NCKAP5: variants seen among roughly 807,000 people sequenced by gnomAD.
The protein encoded by NCKAP5 is nck-associated protein 5.
NCKAP5 carries 92 observed loss-of-function variants against 167.0 expected under a neutral mutation model. The observed-to-expected ratio is 0.55, with a 90% CI of 0.47 to 0.66. The LOEUF is 0.66. Among genes scored for constraint, NCKAP5 ranks in the 30% least tolerant of loss-of-function variants. The pLI, the probability that NCKAP5 is intolerant of heterozygous loss-of-function variation, is 0.00. For missense variants in NCKAP5, 2,378 were observed against 2,315.0 expected, an observed-to-expected ratio of 1.03 and a Z score of -0.56; for synonymous variants, 891 against 877.4, an observed-to-expected ratio of 1.02 and a Z score of -0.27.
Position 133,202,124 on chromosome 2 carries a change from G to A in NCKAP5, c.207+11592C>T, listed in dbSNP as rs554673487. On this transcript the variant is annotated intron_variant, in intron 5 of 19. Coordinates refer to ENST00000409261, the MANE Select transcript of NCKAP5 (RefSeq NM_207363.3). ...CAAAGCTGGAGGCATCATGCTACCT[G>A]ACTTCAAACTATACTACAAGGCTAC... is the stretch of plus-strand genomic sequence containing the variant. Among the ~76,000 whole-genome samples the A allele has an allele frequency of 6.5e-3, 984 of 152,108 alleles. 6 individuals carry two copies. The highest frequency in any genetic ancestry group is 0.011 in the Non-Finnish European group (739 of 67,934).
chr2:132,747,302 G>C (rs181350169), intron 16 of NCKAP5, among the ~76,000 whole-genome samples: 3 of 152,274 alleles, frequency 2.0e-5, no homozygotes. Context: ...GCATCTGAAA[G>C]TGGTGTTGGC....
At chr2:133,066,463 C>T (rs944525424) in intron 6 of NCKAP5, among the ~76,000 whole-genome samples, 1 of 152,162 alleles carries the variant, frequency 6.6e-6, no homozygotes, top group Non-Finnish European at 1.5e-5. Context: ...TAAAGAATAA[C>T]AGCCCAAGTA....
intron 8 of NCKAP5, among the ~76,000 whole-genome samples, chr2:132,960,663 G>A (rs913325938): frequency 6.6e-6 from 1 of 152,096 alleles, no homozygotes; most frequent in African/African-American, 2.4e-5. Flanking sequence ...ATAATACAGG[G>A]GTGGCAGCTG....
At chr2:133,318,233 T>C (rs1681754594) in intron 3 of NCKAP5, among the ~76,000 whole-genome samples, 1 of 152,202 alleles carries the variant, frequency 6.6e-6, no homozygotes, top group South Asian at 2.1e-4. Flanking sequence ...AGAAAGGATT[T>C]ATGAAGTAGT....
intron 4 of NCKAP5, among the ~76,000 whole-genome samples, chr2:133,288,330 T>A (rs1679316064): frequency 6.6e-6 from 1 of 152,186 alleles, no homozygotes; most frequent in Admixed American, 6.5e-5. Context: ...AATTTCTATT[T>A]TAGAGTGGTC....
chr2:133,473,003 G>A (rs1679486389), intron 3 of NCKAP5, among the ~76,000 whole-genome samples: 1 of 152,040 alleles, frequency 6.6e-6, no homozygotes, highest in East Asian at 1.9e-4. Flanking sequence ...TCTTACCACT[G>A]CAACCAGTTT....
At chr2:132,980,879 T>G (rs1340809364) in intron 7 of NCKAP5, among the ~76,000 whole-genome samples, 4 of 152,166 alleles carry the variant, frequency 2.6e-5, no homozygotes, top group Non-Finnish European at 4.4e-5. Flanking sequence ...ATTTTATATC[T>G]TAAGGGTATG....
At chr2:132,966,344 C>T (rs945008376) in intron 7 of NCKAP5, among the ~76,000 whole-genome samples, 1 of 152,164 alleles carries the variant, frequency 6.6e-6, no homozygotes. Context: ...AGGTGATCCA[C>T]CCTCCTCAGC....
intron 6 of NCKAP5, among the ~76,000 whole-genome samples, chr2:133,106,216 G>C (rs553434992): frequency 0.036 from 4,140 of 114,598 alleles, 108 homozygotes; most frequent in East Asian, 0.16. Flanking sequence ...TGGTGTGAAT[G>C]CAGGAGGTGG....
intron 8 of NCKAP5, among the ~76,000 whole-genome samples, chr2:132,900,182 AGCT>A (rs1378670382): frequency 6.6e-6 from 1 of 152,204 alleles, no homozygotes; most frequent in East Asian, 1.9e-4. Context: ...TTACCATAAC[AGCT>A]GTAATAATAA....
the NCKAP5 span, among the ~76,000 whole-genome samples, chr2:133,644,959 T>C: frequency 6.6e-6 from 1 of 152,164 alleles, no homozygotes. Flanking sequence ...TCTATGACCA[T>C]GAACATAATT....
intron 3 of NCKAP5, among the ~76,000 whole-genome samples, chr2:133,304,860 T>C (rs1021925537): frequency 6.6e-6 from 1 of 152,190 alleles, no homozygotes; most frequent in African/African-American, 2.4e-5. Flanking sequence ...ATTCGTTTCA[T>C]GTTGGTTACG....
chr2:133,307,837 C>G (rs1680889948), intron 3 of NCKAP5, among the ~76,000 whole-genome samples: 1 of 151,734 alleles, frequency 6.6e-6, no homozygotes, highest in African/African-American at 2.4e-5. Context: ...AATACCTGAG[C>G]AAAGAATAAA....
the NCKAP5 span, among the ~76,000 whole-genome samples, chr2:133,631,070 TAAAATCATGA>T: frequency 6.6e-6 from 1 of 152,184 alleles, no homozygotes; most frequent in Non-Finnish European, 1.5e-5. Context: ...TTGAAGATCA[TAAAATCATGA>T]AAAATCATGT....
At chr2:133,507,970 A>G (rs1413646933) in intron 3 of NCKAP5, among the ~76,000 whole-genome samples, 1 of 152,198 alleles carries the variant, frequency 6.6e-6, no homozygotes, top group Non-Finnish European at 1.5e-5. Flanking sequence ...GCTAATATAT[A>G]TACAGTTTGT....
At chr2:133,017,795 C>A (rs1454112522) in intron 6 of NCKAP5, among the ~76,000 whole-genome samples, 2 of 150,764 alleles carry the variant, frequency 1.3e-5, no homozygotes, top group Non-Finnish European at 1.5e-5. Flanking sequence ...AAAGAGATTT[C>A]CCTGGACTGA....
chr2:132,988,125 G>A (rs983976764), intron 7 of NCKAP5, among the ~76,000 whole-genome samples: 2 of 152,094 alleles, frequency 1.3e-5, no homozygotes, highest in Non-Finnish European at 2.9e-5. Flanking sequence ...AGCATTCTAA[G>A]AGCAAGAGGA....
chr2:133,217,153 C>T (rs182031815), intron 4 of NCKAP5, among the ~76,000 whole-genome samples: 12 of 152,110 alleles, frequency 7.9e-5, no homozygotes, highest in Admixed American at 1.3e-4. Flanking sequence ...TTTGGACAAA[C>T]GTTTTTAAGT....
rs752275697 is a variant in NCKAP5 at position 133,395,531 on chromosome 2, C to A, written c.70-92421G>T. ...TGTATTTAAATATTTTGAGTGAATT[C>A]TTGGAATTATCAGAACATTATACAG... On this transcript the variant is annotated intron_variant, in intron 3 of 19. Coordinates refer to ENST00000409261, the MANE Select transcript of NCKAP5 (RefSeq NM_207363.3). Among the ~76,000 whole-genome samples the A allele has an allele frequency of 7.6e-4, 115 of 152,144 alleles. 2 individuals are homozygous for A. Among genetic ancestry groups the A allele is most frequent in the Admixed American group, 3.3e-4 (5 of 15,274 alleles).
Sources: gnomAD v4.1 joint callset for allele counts (sites outside exome capture counted in the v4.1 genomes callset) on GRCh38, gnomAD v4.1.1 for gene constraint, MANE v1.5 for transcripts, NCBI Gene and HGNC (gene_info 2026-07-23, HGNC 2026-07-21) for gene names.